The following ZBTB8B variants were observed in gnomAD, a reference collection of about 807,000 sequenced individuals.
The protein encoded by ZBTB8B is zinc finger and BTB domain-containing protein 8B.
Under a neutral mutation model 30.3 loss-of-function variants are expected in ZBTB8B, and 17 were observed. The ratio of observed to expected loss-of-function variants is 0.56; its 90% CI spans 0.38 to 0.84. The LOEUF (loss-of-function observed/expected upper bound fraction) is 0.84. ZBTB8B is among the 40% of genes least tolerant of loss of function. ZBTB8B has a pLI of 0.00. For missense variants in ZBTB8B, 515 were observed against 644.9 expected (o/e 0.80, Z 2.18); for synonymous variants, 248 against 255.6 (o/e 0.97, Z 0.28).
At position 32,471,031 on chromosome 1, in the gene ZBTB8B, C is replaced by T; in HGVS notation, c.407C>T (p.Ala136Val). The change falls in exon 2 of 4, where the codon GCA (alanine) becomes GTA (valine). Residue 136 changes from alanine to valine, a missense_variant. Transcript: ENST00000609129. ...ATGGAGAAGGAGGCTGCTGTGGCTG[C>T]AGCAGTGGCGGCGGCAGCGGCGGCG... ...RKMEKEAAVAAAVAAAAAAAA... is the reference protein window; with the variant it reads ...RKMEKEAAVAVAVAAAAAAAA... 2 of 1,551,236 alleles carry T rather than the reference C, an allele frequency of 1.3e-6. No individual in the cohort carries two copies. Among genetic ancestry groups the T allele is most frequent in the South Asian group, 1.2e-5 (1 of 84,062 alleles).
rs1412994928 is a variant in ZBTB8B at position 32,480,928 on chromosome 1, T to A, written c.1029T>A (p.Cys343Ter). ...VLVVPIKLHKCPFCPYTAKQK... is the reference protein window; with the variant it reads ...VLVVPIKLHK ...TGGTCCCCATCAAGCTCCACAAGTG[T>A]CCTTTCTGCCCTTACACTGCCAAAC... Residue 343 changes from cysteine to a stop codon, truncating the protein, a stop_gained, in exon 3 of 4, where the codon TGT (cysteine) becomes TGA (stop). Transcript: ENST00000609129. LOFTEE classifies it high-confidence loss of function. 1.3e-6 allele frequency: 2 copies of A among 1,551,884 alleles called. No individual in the cohort carries two copies. Among genetic ancestry groups the A allele is most frequent in the Non-Finnish European group, 1.7e-6 (2 of 1,147,088 alleles).
At chr1:32,473,960 C>T (rs1456407677) in intron 2 of ZBTB8B, among the ~76,000 whole-genome samples, 3 of 152,044 alleles carry the variant, frequency 2.0e-5, no homozygotes, top group Non-Finnish European at 1.5e-5. Context: ...AAGCGAGTCT[C>T]CTGCCTCAGC....
intron 1 of ZBTB8B, among the ~76,000 whole-genome samples, chr1:32,468,074 C>T (rs891718420): frequency 1.1e-4 from 16 of 152,038 alleles, no homozygotes; most frequent in Admixed American, 5.9e-4. Flanking sequence ...CGAGATCACA[C>T]CACTGCACTG....
In ZBTB8B at chr1:32,493,404, G is replaced by A. The variant is rs1016603545; in HGVS notation, c.*7986G>A. On this transcript the variant is annotated 3_prime_UTR_variant, in exon 4 of 4. Coordinates refer to ENST00000609129, the MANE Select transcript of ZBTB8B (RefSeq NM_001145720.2). ...GATCTGCCTGCCTCAGCCTCCCAAA[G>A]TGCTGGGATTACAGGCGTGAGCCAC... 1 of 152,062 alleles carries A rather than the reference G, an allele frequency of 6.6e-6. No individual in the cohort carries two copies. The highest frequency in any genetic ancestry group is 2.1e-4 in the South Asian group (1 of 4,824). The allele number at this position is 152,062 out of a possible 1,614,324, so 9.4% of individuals were successfully genotyped here.
Position 32,496,134 on chromosome 1 carries a change from C to T in ZBTB8B, c.*10716C>T, listed in dbSNP as rs1351518965. 6.6e-6 allele frequency: 1 copy of T among 152,060 alleles called. No homozygotes were observed. Among genetic ancestry groups the T allele is most frequent in the Non-Finnish European group, 1.5e-5 (1 of 68,006 alleles). The allele number at this position is 152,060 out of a possible 1,614,324, so 9.4% of individuals were successfully genotyped here. A position where few individuals can be genotyped will look rare whatever the true frequency, so the allele number is the denominator to read the frequency against. On this transcript the variant is annotated 3_prime_UTR_variant, in exon 4 of 4. Coordinates refer to ENST00000609129, the MANE Select transcript of ZBTB8B (RefSeq NM_001145720.2). ...CAAACCGTTTTTCCCACTTTTTTGTCCCACGGTCTTAGGACCAACAATTTA... is the reference window on the plus strand; with the variant it reads ...CAAACCGTTTTTCCCACTTTTTTGTTCCACGGTCTTAGGACCAACAATTTA...
At chr1:32,476,938 C>T (rs1643668764) in intron 2 of ZBTB8B, among the ~76,000 whole-genome samples, 2 of 152,298 alleles carry the variant, frequency 1.3e-5, no homozygotes, top group East Asian at 3.9e-4. Flanking sequence ...AGTGAGTGCT[C>T]AGTATAAATT....
At position 32,487,239 on chromosome 1, in the gene ZBTB8B, G is replaced by A. The variant is rs1643752328; in HGVS notation, c.*1821G>A. 6.6e-6 allele frequency: 1 copy of A among 152,206 alleles called. No homozygotes were observed. Among genetic ancestry groups the A allele is most frequent in the South Asian group, 2.1e-4 (1 of 4,822 alleles). The allele number at this position is 152,206 out of a possible 1,614,324, so 9.4% of individuals were successfully genotyped here. ...GTTTAAGTCGTACTTCTCAATAGTA[G>A]TTAAAACTGGAACAGTGCAACTCAA... On this transcript the variant is annotated 3_prime_UTR_variant, in exon 4 of 4. Transcript: ENST00000609129.
Position 32,481,053 on chromosome 1 carries a change from G to A in ZBTB8B, c.1154G>A (p.Arg385Gln). The change falls in exon 3 of 4, where the codon CGG becomes CAG. Residue 385 changes from arginine to glutamine, a missense_variant. Transcript: ENST00000609129. ...AGGTTCACTCGACAAGAGCACCTGCGGAGCCACGCACTGAGTGTAAGTGTT... is the reference window on the plus strand; with the variant it reads ...AGGTTCACTCGACAAGAGCACCTGCAGAGCCACGCACTGAGTGTAAGTGTT... Reference protein sequence around the residue: ...GKRFTRQEHLRSHALSVHRSN... With the variant: ...GKRFTRQEHLQSHALSVHRSN... The A allele has an allele frequency of 5.8e-6, 9 of 1,551,592 alleles. No homozygotes were observed. The highest frequency in any genetic ancestry group is 1.7e-4 in the Middle Eastern group (1 of 5,994).
chr1:32,477,660 G>A (rs1041063084), intron 2 of ZBTB8B, among the ~76,000 whole-genome samples: 4 of 151,854 alleles, frequency 2.6e-5, no homozygotes, highest in African/African-American at 7.3e-5. Flanking sequence ...TGGCACTTTG[G>A]GACCATGAGG....
intron 2 of ZBTB8B, among the ~76,000 whole-genome samples, chr1:32,472,828 G>C (rs1037399034): frequency 6.6e-6 from 1 of 152,126 alleles, no homozygotes. Flanking sequence ...TGTTGGCCAC[G>C]CTAGTCTCAA....
At chr1:32,479,078 C>A (rs1405623101) in intron 2 of ZBTB8B, among the ~76,000 whole-genome samples, 1 of 152,150 alleles carries the variant, frequency 6.6e-6, no homozygotes, top group Non-Finnish European at 1.5e-5. Context: ...AGTGAGATGT[C>A]CAGGGCCACA....
chr1:32,471,781 C>T (rs775471527), intron 2 of ZBTB8B, among the ~76,000 whole-genome samples, 166 bp downstream of exon 2: 25 of 152,022 alleles, frequency 1.6e-4, no homozygotes, highest in Non-Finnish European at 3.4e-4. Context: ...TCACCAGTAT[C>T]GTCATCATTA....
At position 32,485,948 on chromosome 1, in the gene ZBTB8B, C is replaced by G. The variant is rs1222748552; in HGVS notation, c.*530C>G. The G allele has an allele frequency of 6.4e-6, 1 of 155,922 alleles. No homozygotes were observed. The highest frequency in any genetic ancestry group is 1.4e-5 in the Non-Finnish European group (1 of 70,428). The allele number at this position is 155,922 out of a possible 1,614,324, so 9.7% of individuals were successfully genotyped here. On this transcript the variant is annotated 3_prime_UTR_variant, in exon 4 of 4. Coordinates refer to ENST00000609129, the MANE Select transcript of ZBTB8B (RefSeq NM_001145720.2). ...TGGCTACATGATCATAAAAGGTACT[C>G]CCTAAATCTAGAACAATTTTAAAGG... is the stretch of plus-strand genomic sequence containing the variant.
At chr1:32,468,703 T>G (rs1241754274) in intron 1 of ZBTB8B, among the ~76,000 whole-genome samples, 1 of 151,868 alleles carries the variant, frequency 6.6e-6, no homozygotes, top group Non-Finnish European at 1.5e-5. Flanking sequence ...TCTACTAAAA[T>G]ACAAAAAATT....
At position 32,485,290 on chromosome 1, in the gene ZBTB8B, A is replaced by T; in HGVS notation, c.1360A>T (p.Lys454Ter). 5 of 1,552,246 alleles carry T rather than the reference A, an allele frequency of 3.2e-6. No individual in the cohort carries two copies. The highest frequency in any genetic ancestry group is 4.4e-6 in the Non-Finnish European group (5 of 1,147,116). ...LVEASSESQE[K>*]SDTDNDWPIY... ...GGAGGCTTCATCTGAAAGCCAAGAAAAGAGCGACACAGACAATGACTGGCC... is the reference window on the plus strand; with the variant it reads ...GGAGGCTTCATCTGAAAGCCAAGAATAGAGCGACACAGACAATGACTGGCC... The change falls in exon 4 of 4, where the codon AAG (lysine) becomes TAG (stop). Residue 454 changes from lysine to a stop codon, truncating the protein, a stop_gained. Coordinates refer to ENST00000609129, the MANE Select transcript of ZBTB8B (RefSeq NM_001145720.2). LOFTEE classifies it high-confidence loss of function.
At chr1:32,481,573 C>T (rs960297254) in intron 3 of ZBTB8B, among the ~76,000 whole-genome samples, 1 of 152,220 alleles carries the variant, frequency 6.6e-6, no homozygotes, top group African/African-American at 2.4e-5. Flanking sequence ...TCCATGTGAG[C>T]TGGTGATTCC....
In ZBTB8B at chr1:32,485,270, C is replaced by A. The variant is rs1282141728; in HGVS notation, c.1340C>A (p.Ala447Asp). The A allele has an allele frequency of 6.4e-7, 1 of 1,552,106 alleles. No individual in the cohort carries two copies. Among genetic ancestry groups the A allele is most frequent in the East Asian group, 2.4e-5 (1 of 40,922 alleles). ...LMPINLSLVE[A>D]SSESQEKSDT... is the part of the protein sequence containing the mutation. ...CCCATCAACCTTAGCTTGGTGGAGG[C>A]TTCATCTGAAAGCCAAGAAAAGAGC... The change falls in exon 4 of 4, where the codon GCT (alanine) becomes GAT (aspartate). Residue 447 changes from alanine (A) to aspartate (D), a missense_variant. By Grantham distance (126) the Ala-to-Asp change is moderately radical. Coordinates refer to ENST00000609129, the MANE Select transcript of ZBTB8B (RefSeq NM_001145720.2).
chr1:32,480,943 C>G lies in ZBTB8B; in HGVS notation c.1044C>G (p.Tyr348Ter), dbSNP rs1436336994. ...TCCACAAGTGTCCTTTCTGCCCTTACACTGCCAAACAGAAGGGCATCCTCA... is the reference window on the plus strand; with the variant it reads ...TCCACAAGTGTCCTTTCTGCCCTTAGACTGCCAAACAGAAGGGCATCCTCA... ...IKLHKCPFCP[Y>*]TAKQKGILKR... Residue 348 changes from tyrosine (Y) to a stop codon, truncating the protein, a stop_gained, in exon 3 of 4, where the codon TAC (tyrosine) becomes TAG (stop). Coordinates refer to ENST00000609129, the MANE Select transcript of ZBTB8B (RefSeq NM_001145720.2). LOFTEE classifies it high-confidence loss of function. 5.2e-6 allele frequency: 8 copies of G among 1,552,118 alleles called. 1 individual carries two copies. In the Admixed American group the frequency reaches 1.4e-4, roughly 27 times the overall value.
intron 1 of ZBTB8B, among the ~76,000 whole-genome samples, chr1:32,469,734 A>G (rs993404707): frequency 3.9e-5 from 6 of 152,326 alleles, no homozygotes; most frequent in African/African-American, 1.2e-4. Flanking sequence ...GACAATATTA[A>G]TATTTACTTA....
Sources: allele counts gnomAD v4.1 joint callset (sites outside exome capture counted in the v4.1 genomes callset), GRCh38; gene constraint gnomAD v4.1.1; transcripts MANE v1.5; gene names NCBI Gene and HGNC (gene_info 2026-07-23, HGNC 2026-07-21).